NRDC: variants seen among roughly 807,000 people sequenced by gnomAD.
The protein encoded by NRDC is nardilysin convertase.
In NRDC, 54 loss-of-function variants were observed where a neutral mutation model predicts 147.1. That is an observed-to-expected ratio of 0.37 (90% CI 0.29 to 0.46). The LOEUF is 0.46. Ranked by LOEUF, NRDC falls within the 20% of genes least tolerant of loss-of-function variation. NRDC has a pLI of 1.00. For synonymous variants in NRDC, 440 were observed against 482.1 expected (o/e 0.91, Z 1.14); for missense variants, 1,082 against 1,370.6 (o/e 0.79, Z 3.33).
intron 3 of NRDC, 150 bp downstream of exon 3, chr1:51,835,981 T>C (rs994736167): frequency 3.1e-6 from 2 of 655,052 alleles, no homozygotes; most frequent in Non-Finnish European, 5.4e-6. Flanking sequence ...TCCCCCACGA[T>C]ATTCATAAAT....
At chr1:51,843,225 G>T (rs1681361460) in intron 1 of NRDC, among the ~76,000 whole-genome samples, 1 of 151,152 alleles carries the variant, frequency 6.6e-6, no homozygotes, top group Admixed American at 6.6e-5. Context: ...TGAACTGAAG[G>T]CAATTAAAAA....
rs528887197 is a variant in NRDC at position 51,827,510 on chromosome 1, T to C, written c.940+286A>G. Among the ~76,000 whole-genome samples the C allele has an allele frequency of 1.3e-3, 200 of 152,334 alleles. 2 individuals carry two copies. In the South Asian group the frequency reaches 0.04, roughly 31 times the overall value. On this transcript the variant is annotated intron_variant, in intron 5 of 30. Coordinates refer to ENST00000352171, the MANE Select transcript of NRDC (RefSeq NM_001101662.2). Reference sequence around the variant, plus strand: ...GCCTCACCCTATATAAGCACATTCTTTTCCTTTATAGTCTTCAATCTTTGA... The same window carrying C: ...GCCTCACCCTATATAAGCACATTCTCTTCCTTTATAGTCTTCAATCTTTGA...
Position 51,791,681 on chromosome 1 carries a change from G to A in NRDC, c.2877-20C>T. The A allele has an allele frequency of 6.3e-7, 1 of 1,584,388 alleles. No homozygotes were observed. The highest frequency in any genetic ancestry group is 1.3e-5 in the African/African-American group (1 of 74,414). On this transcript the variant is annotated intron_variant, in intron 26 of 30. Coordinates refer to ENST00000352171, the MANE Select transcript of NRDC (RefSeq NM_001101662.2). ...TGGTACCTACAAGCCAGAGAGAAAA[G>A]TTATATGAGCTCAGGTGATCATCTG... is the stretch of plus-strand genomic sequence containing the variant.
At chr1:51,826,279 T>TAAG (rs1245877408) in intron 5 of NRDC, among the ~76,000 whole-genome samples, 76 of 152,306 alleles carry the variant, frequency 5.0e-4, no homozygotes, top group African/African-American at 1.8e-3. Flanking sequence ...TCCAAAACTG[T>TAAG]AAGAAAATAA....
chr1:51,814,876 A>T (rs888686549), intron 11 of NRDC, 63 bp from the exon 12 acceptor site: 3 of 1,452,322 alleles, frequency 2.1e-6, no homozygotes, highest in African/African-American at 1.4e-5. Context: ...CAGACATTCA[A>T]ATTAACAAAA....
At chr1:51,814,343 C>T (rs1386757837) in intron 13 of NRDC, 17 of 570,750 alleles carry the variant, frequency 3.0e-5, no homozygotes, top group African/African-American at 7.5e-5. Context: ...AAAAGAGAAG[C>T]GTGAAAATAA....
At chr1:51,846,855 T>C (rs1398283720) in intron 1 of NRDC, among the ~76,000 whole-genome samples, 2 of 152,212 alleles carry the variant, frequency 1.3e-5, no homozygotes, top group South Asian at 4.1e-4. Context: ...AGCTGATTGG[T>C]CCATTTTGAC....
intron 14 of NRDC, among the ~76,000 whole-genome samples, chr1:51,812,961 C>CA (rs5774107): frequency 0.45 from 32,723 of 72,040 alleles, 6,809 homozygotes; most frequent in East Asian, 0.77. Flanking sequence ...GACTCTGTCT[C>CA]AAAAAAAAAA....
chr1:51,794,737 G>A (rs780618196), intron 23 of NRDC, 86 bp downstream of exon 23: 8 of 1,587,566 alleles, frequency 5.0e-6, no homozygotes, highest in Non-Finnish European at 6.9e-6. Context: ...TCAATTGGGT[G>A]TTTAGTAACA....
intron 21 of NRDC, among the ~76,000 whole-genome samples, chr1:51,800,112 C>T (rs539672076): frequency 6.6e-6 from 1 of 152,202 alleles, no homozygotes; most frequent in East Asian, 1.9e-4. Context: ...GTAGCTGGGA[C>T]TACAGGCATG....
At chr1:51,812,405 G>A (rs1679766970) in intron 14 of NRDC, among the ~76,000 whole-genome samples, 2 of 152,118 alleles carry the variant, frequency 1.3e-5, no homozygotes, top group Admixed American at 1.3e-4. Context: ...GTACACGCCT[G>A]TAGTGTCAGC....
chr1:51,810,281 C>T lies in NRDC; in HGVS notation c.1903G>A (p.Asp635Asn). ...KWFGTQYSIE[D>N]IENSWAELWN... ...TAAGACAATTGTTAAAATATTTTAC[C>T]TTCTATACTATATTGAGTTCCAAAC... is the stretch of plus-strand genomic sequence containing the variant. Residue 635 changes from aspartate (D) to asparagine (N), a missense_variant and splice_region_variant, in exon 16 of 31, where the codon GAT becomes AAT. Asp to Asn is a conservative substitution (Grantham distance 23). Coordinates refer to ENST00000352171, the MANE Select transcript of NRDC (RefSeq NM_001101662.2). 1.3e-6 allele frequency: 2 copies of T among 1,591,138 alleles called. No individual in the cohort carries two copies. Among genetic ancestry groups the T allele is most frequent in the Non-Finnish European group, 1.7e-6 (2 of 1,165,416 alleles).
At position 51,790,524 on chromosome 1, in the gene NRDC, C is replaced by T; in HGVS notation, c.3168+9G>A. 6.3e-7 allele frequency: 1 copy of T among 1,584,436 alleles called. No homozygotes were observed. Among genetic ancestry groups the T allele is most frequent in the South Asian group, 1.1e-5 (1 of 90,362 alleles). ...AGTTTGAGCTGTCTTACTCTGAAAACCATGTTACCTCGTGGGCAAGGCGGT... is the reference window on the plus strand; with the variant it reads ...AGTTTGAGCTGTCTTACTCTGAAAATCATGTTACCTCGTGGGCAAGGCGGT... On this transcript the variant is annotated intron_variant, in intron 29 of 30. Transcript: ENST00000352171.
At chr1:51,797,347 G>A (rs1488675150) in intron 22 of NRDC, among the ~76,000 whole-genome samples, 2 of 151,980 alleles carry the variant, frequency 1.3e-5, no homozygotes, top group Non-Finnish European at 2.9e-5. Flanking sequence ...CCCAACTACT[G>A]GAAACCACCA....
intron 1 of NRDC, among the ~76,000 whole-genome samples, chr1:51,863,012 G>GGAA: frequency 9.6e-5 from 1 of 10,382 alleles, no homozygotes; most frequent in South Asian, 3.9e-3. Context: ...TCTGTGTGGA[G>GGAA]GAAAAAAAAA....
At position 51,789,574 on chromosome 1, in the gene NRDC, G is replaced by A. The variant is rs144968572; in HGVS notation, c.3252C>T (p.Ser1084=). 3.1e-5 allele frequency: 50 copies of A among 1,612,430 alleles called. No individual in the cohort carries two copies. The highest frequency in any genetic ancestry group is 1.2e-4 in the African/African-American group (9 of 74,886). The change falls in exon 30 of 31, where the codon AGC becomes AGT. Residue 1084 remains serine (S), a synonymous_variant. Coordinates refer to ENST00000352171, the MANE Select transcript of NRDC (RefSeq NM_001101662.2). ...GTTAGTTAAACATACTCACATGAAC[G>A]CTGAGCATTTTACTTCCTGGCCCTC... ...AHRGPGSKML[S]VHVVGYGKYE...
At chr1:51,799,526 G>A (rs898300474) in intron 21 of NRDC, among the ~76,000 whole-genome samples, 1 of 152,120 alleles carries the variant, frequency 6.6e-6, no homozygotes, top group Non-Finnish European at 1.5e-5. Flanking sequence ...CATTACAGCT[G>A]TGTCAAAAGC....
intron 12 of NRDC, 37 bp downstream of exon 12, chr1:51,814,656 C>A: frequency 6.2e-7 from 1 of 1,604,634 alleles, no homozygotes; most frequent in African/African-American, 1.3e-5. Flanking sequence ...GTGATATCTA[C>A]GTAAAAGGAA....
intron 3 of NRDC, among the ~76,000 whole-genome samples, chr1:51,835,040 A>G (rs1680884129): frequency 6.6e-6 from 1 of 152,168 alleles, no homozygotes; most frequent in South Asian, 2.1e-4. Flanking sequence ...GTAACTATAT[A>G]ACATCCACAT....
Sources: gnomAD v4.1 joint callset for allele counts (sites outside exome capture counted in the v4.1 genomes callset) on GRCh38, gnomAD v4.1.1 for gene constraint, MANE v1.5 for transcripts, NCBI Gene and HGNC (gene_info 2026-07-23, HGNC 2026-07-21) for gene names.